Variants in ITGB7 observed in about 807,000 individuals in gnomAD.
The protein encoded by ITGB7 is integrin beta-7.
ITGB7 carries 55 observed loss-of-function variants against 83.4 expected under a neutral mutation model. The ratio of observed to expected loss-of-function variants is 0.66; its 90% confidence interval spans 0.53 to 0.83. The LOEUF is 0.83. Ranked by LOEUF, ITGB7 falls within the 40% of genes least tolerant of loss-of-function variation. The probability of loss-of-function intolerance (pLI) is 0.00; values close to 1 mark genes in which losing one functional copy is unlikely to be tolerated. For synonymous variants in ITGB7, 454 were observed against 423.6 expected, an observed-to-expected ratio of 1.07 and a Z score of -0.88; for missense variants, 921 against 1,046.7, an observed-to-expected ratio of 0.88 and a Z score of 1.66.
At chr12:53,197,408 C>T in intron 5 of ITGB7, 85 bp downstream of exon 5, 1 of 1,525,688 alleles carries the variant, frequency 6.6e-7, no homozygotes, top group Non-Finnish European at 9.1e-7. Context: ...AGTTGGGGCC[C>T]TTGTGAGTCC....
chr12:53,193,665 G>A, intron 11 of ITGB7, 43 bp downstream of exon 11: 1 of 1,549,872 alleles, frequency 6.5e-7, no homozygotes, highest in South Asian at 1.2e-5. Context: ...GGGTTGGTTG[G>A]TTGTTGGGAG....
intron 15 of ITGB7, 38 bp from the exon 16 acceptor site, chr12:53,191,674 A>C (rs778172126): frequency 1.0e-5 from 16 of 1,586,424 alleles, no homozygotes. Context: ...CAAAAATCCC[A>C]GGATTCCTCG....
At chr12:53,195,872 G>A in intron 7 of ITGB7, 151 bp from the exon 8 acceptor site, 3 of 954,696 alleles carry the variant, frequency 3.1e-6, no homozygotes, top group Non-Finnish European at 4.8e-6. Flanking sequence ...TAGGGAATGG[G>A]GTGACAAAGG....
chr12:53,191,353 T>C lies in ITGB7; in HGVS notation c.*203A>G, dbSNP rs1592392957. The C allele has an allele frequency of 3.4e-6, 2 of 590,790 alleles. No homozygotes were observed. The highest frequency in any genetic ancestry group is 6.1e-6 in the Non-Finnish European group (2 of 329,070). 36.6% of individuals were successfully genotyped at this position (590,790 alleles called of 1,614,324 possible). On this transcript the variant is annotated 3_prime_UTR_variant, in exon 16 of 16. Transcript: ENST00000267082. ...GGTAAGACTTTATTGTATACTTGGG[T>C]GGGGTAGCCCAGATGGATGCAAGGT...
chr12:53,194,493 T>C, intron 9 of ITGB7, 149 bp from the exon 10 acceptor site: 1 of 709,630 alleles, frequency 1.4e-6, no homozygotes, highest in Non-Finnish European at 2.4e-6. Context: ...GAGGCATTTC[T>C]GGAGGGAGGA....
In ITGB7 at chr12:53,196,820, C is replaced by T; in HGVS notation, c.575G>A (p.Gly192Asp). ...LQEVTHSVRIGFGSFVDKTVL... is the reference protein window; with the variant it reads ...LQEVTHSVRIDFGSFVDKTVL... Reference sequence around the variant, plus strand: ...CGTTTTGTCCACAAAGGAACCAAAACCTGGGAGAGGAGAGGAATGAAGGTT... The same window carrying T: ...CGTTTTGTCCACAAAGGAACCAAAATCTGGGAGAGGAGAGGAATGAAGGTT... The change falls in exon 6 of 16, where the codon GGT (glycine) becomes GAT (aspartate). Residue 192 changes from glycine to aspartate, a missense_variant and splice_region_variant. Coordinates refer to ENST00000267082, the MANE Select transcript of ITGB7 (RefSeq NM_000889.3). 6.3e-7 allele frequency: 1 copy of T among 1,592,434 alleles called. No individual in the cohort carries two copies. Among genetic ancestry groups the T allele is most frequent in the Non-Finnish European group, 8.6e-7 (1 of 1,163,118 alleles).
At chr12:53,192,188 G>T in intron 14 of ITGB7, 142 bp downstream of exon 14, 1 of 1,193,828 alleles carries the variant, frequency 8.4e-7, no homozygotes, top group Non-Finnish European at 1.2e-6. Flanking sequence ...TCGTCCACTT[G>T]CTCAATTGCC....
intron 6 of ITGB7, 145 bp from the exon 7 acceptor site, chr12:53,196,344 C>T: frequency 9.5e-7 from 1 of 1,056,778 alleles, no homozygotes; most frequent in East Asian, 2.5e-5. Flanking sequence ...CTTCTCCCTG[C>T]TCTCTCCAGC....
At chr12:53,196,227 T>C (rs1019534411) in intron 6 of ITGB7, 28 bp from the exon 7 acceptor site, 1 of 1,610,640 alleles carries the variant, frequency 6.2e-7, no homozygotes, top group Non-Finnish European at 8.5e-7. Context: ...TGGTAGGCTA[T>C]GCACCTGGGC....
At chr12:53,198,338 G>T (rs1483159979) in intron 3 of ITGB7, among the ~76,000 whole-genome samples, 3 of 151,662 alleles carry the variant, frequency 2.0e-5, no homozygotes, top group African/African-American at 7.3e-5. Context: ...TATAGGTCAG[G>T]CTGGTCTCAA....
chr12:53,201,475 A>G (rs1942320000), intron 1 of ITGB7, among the ~76,000 whole-genome samples: 2 of 152,200 alleles, frequency 1.3e-5, no homozygotes, highest in African/African-American at 4.8e-5. Flanking sequence ...ACTTTGCACA[A>G]AGATAATCTA....
At position 53,194,179 on chromosome 12, in the gene ITGB7, T is replaced by A; in HGVS notation, c.1308+19A>T. The A allele has an allele frequency of 6.2e-7, 1 of 1,613,902 alleles. No homozygotes were observed. On this transcript the variant is annotated intron_variant, in intron 10 of 15. Coordinates refer to ENST00000267082, the MANE Select transcript of ITGB7 (RefSeq NM_000889.3). ...CACCTCCCCCTGCCCGCCTTCTGCC[T>A]GTGCTTGCTGGCTCTCACCGTCTGG...
intron 7 of ITGB7, 134 bp from the exon 8 acceptor site, chr12:53,195,855 A>G (rs773548937): frequency 4.1e-6 from 4 of 973,604 alleles, no homozygotes; most frequent in Non-Finnish European, 6.3e-6. Context: ...ATGGAATAGG[A>G]AGGAGGTAGG....
At position 53,191,566 on chromosome 12, in the gene ITGB7, G is replaced by A. The variant is rs1941944312; in HGVS notation, c.2387C>T (p.Pro796Leu). ...GTGTCCCTCCCTCCTTCAGAGAGTGGGACTGTCTGCCTCTTGAAAGCGAGG... is the reference window on the plus strand; with the variant it reads ...GTGTCCCTCCCTCCTTCAGAGAGTGAGACTGTCTGCCTCTTGAAAGCGAGG... ...INPRFQEADSPTL is the reference protein window; with the variant it reads ...INPRFQEADSLTL The change falls in exon 16 of 16, where the codon CCC becomes CTC. Residue 796 changes from proline (P) to leucine (L), a missense_variant. Transcript: ENST00000267082. The A allele has an allele frequency of 1.2e-6, 2 of 1,611,294 alleles. No individual in the cohort carries two copies. Among genetic ancestry groups the A allele is most frequent in the South Asian group, 1.1e-5 (1 of 91,026 alleles).
At chr12:53,203,794 CT>C (rs1442328816) in intron 1 of ITGB7, among the ~76,000 whole-genome samples, 1 of 151,888 alleles carries the variant, frequency 6.6e-6, no homozygotes, top group African/African-American at 2.4e-5. Context: ...AAATTGGGAT[CT>C]TTATACATTA....
chr12:53,193,708 C>T lies in ITGB7; in HGVS notation c.1502G>A (p.Ser501Asn). ...GTTGAAGGGAAGAGGAGGCCCTCAC[C>T]TGCATACACCACATTGTAGGTGTCC... ...GQGHLQCGVC[S>N]CAPGRLGRLC... The change falls in exon 11 of 16, where the codon AGC (serine) becomes AAC (asparagine). Residue 501 changes from serine to asparagine, a missense_variant and splice_region_variant. By Grantham distance (46) the Ser-to-Asn change is conservative. Coordinates refer to ENST00000267082, the MANE Select transcript of ITGB7 (RefSeq NM_000889.3). 2 of 1,609,062 alleles carry T rather than the reference C, an allele frequency of 1.2e-6. No homozygotes were observed. The highest frequency in any genetic ancestry group is 1.7e-6 in the Non-Finnish European group (2 of 1,177,302).
chr12:53,194,701 G>GT (rs1220317573), intron 9 of ITGB7: 2 of 201,526 alleles, frequency 9.9e-6, no homozygotes, highest in South Asian at 1.1e-4. Context: ...TCATTACAGA[G>GT]TTTATCTTGG....
intron 2 of ITGB7, among the ~76,000 whole-genome samples, chr12:53,200,666 T>C (rs11574531): frequency 6.6e-6 from 1 of 152,020 alleles, no homozygotes; most frequent in South Asian, 2.1e-4. Flanking sequence ...TGGTGGCTCA[T>C]GCCTGTTATC....
At chr12:53,197,404 G>A (rs758473142) in intron 5 of ITGB7, 89 bp downstream of exon 5, 2 of 1,484,626 alleles carry the variant, frequency 1.3e-6, no homozygotes, top group Non-Finnish European at 1.9e-6. Context: ...GGCAAGTTGG[G>A]GCCCTTGTGA....
Sources: gnomAD v4.1 joint callset for allele counts (sites outside exome capture counted in the v4.1 genomes callset) on GRCh38, gnomAD v4.1.1 for gene constraint, MANE v1.5 for transcripts, NCBI Gene and HGNC (gene_info 2026-07-23, HGNC 2026-07-21) for gene names.